Variants in YTHDC2 observed in about 807,000 individuals in gnomAD.
YTHDC2 encodes the protein 3'-5' RNA helicase YTHDC2.
Under a neutral mutation model 174.9 loss-of-function variants are expected in YTHDC2, and 45 were observed. The ratio of observed to expected loss-of-function variants is 0.26; its 90% confidence interval spans 0.20 to 0.33. The LOEUF (loss-of-function observed/expected upper bound fraction) is 0.33, where lower values mean the gene tolerates loss of function less well. YTHDC2 is among the 10% of genes least tolerant of loss of function. YTHDC2 has a pLI of 1.00. For missense variants in YTHDC2, 1,650 were observed against 1,723.7 expected (o/e 0.96, Z 0.76); for synonymous variants, 657 against 574.5 (o/e 1.14, Z -2.05).
intron 3 of YTHDC2, among the ~76,000 whole-genome samples, 166 bp from the exon 4 acceptor site, chr5:113,526,420 C>G (rs912963500): frequency 1.3e-4 from 20 of 151,978 alleles, no homozygotes; most frequent in Non-Finnish European, 2.8e-4. Flanking sequence ...TATTGCTTGA[C>G]AACTTTATGT....
intron 28 of YTHDC2, chr5:113,593,098 T>G (rs1397518952): frequency 2.7e-6 from 1 of 376,528 alleles, no homozygotes. Flanking sequence ...TTTTGCAGAT[T>G]AACTGTAATC....
At chr5:113,540,471 TTCAC>T (rs1775375084) in intron 8 of YTHDC2, among the ~76,000 whole-genome samples, 1 of 152,186 alleles carries the variant, frequency 6.6e-6, no homozygotes, top group Non-Finnish European at 1.5e-5. Flanking sequence ...AGAGGTTTAA[TTCAC>T]TCACAGTTCT....
At chr5:113,561,302 A>G in intron 18 of YTHDC2, 117 bp downstream of exon 18, 2 of 705,950 alleles carry the variant, frequency 2.8e-6, no homozygotes, top group Non-Finnish European at 4.5e-6. Flanking sequence ...ATTATTCAAT[A>G]TATATTATGG....
At chr5:113,543,413 A>C (rs925778265) in intron 10 of YTHDC2, among the ~76,000 whole-genome samples, 2 of 152,222 alleles carry the variant, frequency 1.3e-5, no homozygotes, top group Non-Finnish European at 2.9e-5. Context: ...TTTACTTTGC[A>C]TTCTAAAATA....
At chr5:113,582,522 G>A (rs950498188) in intron 25 of YTHDC2, 1 of 152,126 alleles carries the variant, frequency 6.6e-6, no homozygotes, top group Non-Finnish European at 1.5e-5. Flanking sequence ...TCAAATTTAA[G>A]TTATTTTATA....
At chr5:113,516,436 G>A (rs1033464029) in intron 2 of YTHDC2, among the ~76,000 whole-genome samples, 8 of 152,150 alleles carry the variant, frequency 5.3e-5, no homozygotes, top group African/African-American at 1.7e-4. Flanking sequence ...ATTCTGTGGC[G>A]CTATTTCATT....
At chr5:113,538,987 G>A (rs1775269116) in intron 7 of YTHDC2, 87 bp from the exon 8 acceptor site, 1 of 644,012 alleles carries the variant, frequency 1.6e-6, no homozygotes. Flanking sequence ...ATATTATACT[G>A]AGATTCATTA....
At chr5:113,526,809 T>TACAAA in intron 4 of YTHDC2, 24 bp downstream of exon 4, 1 of 667,516 alleles carries the variant, frequency 1.5e-6, no homozygotes, top group African/African-American at 4.0e-5. Context: ...TTGTTGTTTA[T>TACAAA]AGAAAAAAAA....
At chr5:113,582,247 T>G (rs1336378878) in intron 25 of YTHDC2, 1 of 152,176 alleles carries the variant, frequency 6.6e-6, no homozygotes, top group Non-Finnish European at 1.5e-5. Context: ...CTCCAGAGGA[T>G]ATACATTTGA....
In YTHDC2 at chr5:113,523,489, G is replaced by A. The variant is rs956982384; in HGVS notation, c.279-1492G>A. ...CTGTCCTTTAGTTTCAGAAAGGTCC[G>A]TGGGAAAAGAACCTATTATAGAGAA... On this transcript the variant is annotated intron_variant, in intron 2 of 29. Transcript: ENST00000161863. 2.6e-5 allele frequency among the ~76,000 whole-genome samples: 4 copies of A among 152,024 alleles called. 1 individual carries two copies. Among genetic ancestry groups the A allele is most frequent in the South Asian group, 4.1e-4 (2 of 4,832 alleles).
At chr5:113,586,014 CA>C (rs762184994) in intron 26 of YTHDC2, among the ~76,000 whole-genome samples, 24 of 152,064 alleles carry the variant, frequency 1.6e-4, no homozygotes, top group African/African-American at 4.1e-4. Flanking sequence ...TATTATTTGG[CA>C]AATCCCTAGG....
At chr5:113,579,310 T>C (rs1778251303) in intron 23 of YTHDC2, among the ~76,000 whole-genome samples, 1 of 152,186 alleles carries the variant, frequency 6.6e-6, no homozygotes, top group Non-Finnish European at 1.5e-5. Context: ...TTCTTTTTCA[T>C]CCAGTTATTA....
intron 23 of YTHDC2, among the ~76,000 whole-genome samples, chr5:113,571,168 T>G (rs1777693529): frequency 6.6e-6 from 1 of 152,236 alleles, no homozygotes; most frequent in African/African-American, 2.4e-5. Flanking sequence ...CTACCTAGTT[T>G]ATTGAGTTTT....
At chr5:113,576,534 C>T (rs1430087823) in intron 23 of YTHDC2, among the ~76,000 whole-genome samples, 1 of 152,176 alleles carries the variant, frequency 6.6e-6, no homozygotes. Flanking sequence ...TTTCTCCATA[C>T]TCAACCATAT....
Position 113,514,991 on chromosome 5 carries a change from T to A in YTHDC2, c.188-281T>A, listed in dbSNP as rs149798311. 6.2e-4 allele frequency among the ~76,000 whole-genome samples: 94 copies of A among 152,272 alleles called. 1 individual carries two copies. The Middle Eastern group carries it at 0.014, about 22-fold the overall frequency. ...TCCAGAACAAGTAAGAGGAGTCGTT[T>A]TTGGTGAATATCAGAGGCCTTTATC... On this transcript the variant is annotated intron_variant, in intron 1 of 29. Coordinates refer to ENST00000161863, the MANE Select transcript of YTHDC2 (RefSeq NM_022828.5).
In YTHDC2 at chr5:113,594,626, C is replaced by A. The variant is rs899058564; in HGVS notation, c.*1152C>A. 1.3e-5 allele frequency: 2 copies of A among 151,856 alleles called. No homozygotes were observed. Among genetic ancestry groups the A allele is most frequent in the East Asian group, 3.9e-4 (2 of 5,194 alleles). The allele number at this position is 151,856 out of a possible 1,614,324, so 9.4% of individuals were successfully genotyped here. Reference sequence around the variant, plus strand: ...TTACCACCACTGTTTATAAAATTTCCTTAGAGACTTTTTGAAGGGAAAATA... The same window carrying A: ...TTACCACCACTGTTTATAAAATTTCATTAGAGACTTTTTGAAGGGAAAATA... On this transcript the variant is annotated 3_prime_UTR_variant, in exon 30 of 30. Transcript: ENST00000161863.
intron 6 of YTHDC2, among the ~76,000 whole-genome samples, chr5:113,534,908 G>T (rs1051793292): frequency 8.5e-5 from 13 of 152,086 alleles, no homozygotes; most frequent in Admixed American, 2.6e-4. Flanking sequence ...TACCTAGTTT[G>T]TGTCAAAAAA....
Position 113,530,736 on chromosome 5 carries a change from AT to A in YTHDC2, c.676-2131del, listed in dbSNP as rs77748875. ...ACTACAAAAAATAAAAGTTAAAAAA[AT>A]TTTTTTTTTTTACCTCCATTTATTC... On this transcript the variant is annotated intron_variant, in intron 4 of 29. Coordinates refer to ENST00000161863, the MANE Select transcript of YTHDC2 (RefSeq NM_022828.5). Among the ~76,000 whole-genome samples the A allele has an allele frequency of 7.5e-3, 1,128 of 150,968 alleles. 15 individuals are homozygous for A. Among genetic ancestry groups the A allele is most frequent in the African/African-American group, 0.025 (1,018 of 41,234 alleles).
At chr5:113,560,354 T>C (rs1471071203) in intron 17 of YTHDC2, among the ~76,000 whole-genome samples, 1 of 152,156 alleles carries the variant, frequency 6.6e-6, no homozygotes, top group Non-Finnish European at 1.5e-5. Flanking sequence ...GGTTGAGAAA[T>C]TTTATTTTTT....
Sources: allele counts gnomAD v4.1 joint callset (sites outside exome capture counted in the v4.1 genomes callset), GRCh38; gene constraint gnomAD v4.1.1; transcripts MANE v1.5; gene names NCBI Gene and HGNC (gene_info 2026-07-23, HGNC 2026-07-21).